HDAC9: variants seen among roughly 807,000 people sequenced by gnomAD.
HDAC9 encodes the protein histone deacetylase 9, also known as MEF-2 interacting transcription repressor (MITR) protein.
A neutral mutation model predicts 139.4 loss-of-function variants in HDAC9; 41 were observed. The ratio of observed to expected loss-of-function variants is 0.29; its 90% confidence interval spans 0.23 to 0.38. The LOEUF (loss-of-function observed/expected upper bound fraction) is 0.38, where lower values mean the gene tolerates loss of function less well. Among genes scored for constraint, HDAC9 ranks in the 10% least tolerant of loss-of-function variants. The probability of loss-of-function intolerance (pLI) is 1.00; values close to 1 mark genes in which losing one functional copy is unlikely to be tolerated. For missense variants in HDAC9, 1,147 were observed against 1,297.0 expected, an observed-to-expected ratio of 0.88 and a Z score of 1.78; for synonymous variants, 517 against 476.2, an observed-to-expected ratio of 1.09 and a Z score of -1.12.
Position 18,698,900 on chromosome 7 carries a change from T to G in HDAC9, c.1732-28680T>G, listed in dbSNP as rs141261677. 9.2e-5 allele frequency among the ~76,000 whole-genome samples: 14 copies of G among 152,366 alleles called. No homozygotes were observed. In the East Asian group the frequency reaches 2.7e-3, roughly 29 times the overall value. Reference sequence around the variant, plus strand: ...AATATTTTGGCAAAAAATGGTACACTGTCATGTTCTAAGCATGAAAGGTTA... The same window carrying G: ...AATATTTTGGCAAAAAATGGTACACGGTCATGTTCTAAGCATGAAAGGTTA... On this transcript the variant is annotated intron_variant, in intron 12 of 25. Coordinates refer to ENST00000686413, the MANE Select transcript of HDAC9 (RefSeq NM_178425.4).
At chr7:18,103,082 A>G (rs564510153) in intron 1 of HDAC9, among the ~76,000 whole-genome samples, 2 of 152,296 alleles carry the variant, frequency 1.3e-5, no homozygotes, top group South Asian at 4.1e-4. Flanking sequence ...GTGGAAGGCA[A>G]AGGAGCAAAG....
At chr7:18,790,021 G>C (rs1989817) in intron 16 of HDAC9, among the ~76,000 whole-genome samples, 1 of 151,900 alleles carries the variant, frequency 6.6e-6, no homozygotes, top group Non-Finnish European at 1.5e-5. Flanking sequence ...AAGTGGATAT[G>C]GATGTTCTTC....
At chr7:18,548,097 GTTA>G (rs1035791671) in intron 2 of HDAC9, among the ~76,000 whole-genome samples, 3 of 151,938 alleles carry the variant, frequency 2.0e-5, no homozygotes, top group Non-Finnish European at 2.9e-5. Flanking sequence ...CCATTGTAGG[GTTA>G]TTAATTGCCC....
At chr7:18,532,134 C>T (rs992203710) in intron 2 of HDAC9, among the ~76,000 whole-genome samples, 1 of 152,092 alleles carries the variant, frequency 6.6e-6, no homozygotes, top group African/African-American at 2.4e-5. Context: ...CCTGTAGTCC[C>T]AGCTACTTGG....
Position 18,149,745 on chromosome 7 carries a change from A to G in HDAC9, c.-96-12484A>G, listed in dbSNP as rs112204085. ...TAGTTTTTGTATTTTTAGTAGAGAC[A>G]GGGTTTCACTGTGTTAGCCAGGATG... On this transcript the variant is annotated intron_variant, in intron 1 of 12. Transcript: ENST00000417496. Among the ~76,000 whole-genome samples, 1,444 of 151,892 alleles carry G rather than the reference A, an allele frequency of 9.5e-3. 10 individuals carry two copies. The highest frequency in any genetic ancestry group is 0.017 in the Middle Eastern group (5 of 294).
rs1298781990 is a variant in HDAC9 at position 18,568,020 on chromosome 7, GTA to G, written c.23-17257_23-17256del. ...GTTAGTTTATACATACAGGATATAT[GTA>G]TATGTATATATATATATATATATAT... On this transcript the variant is annotated intron_variant, in intron 2 of 25. Coordinates refer to ENST00000686413, the MANE Select transcript of HDAC9 (RefSeq NM_178425.4). Among the ~76,000 whole-genome samples the G allele has an allele frequency of 1.4e-4, 7 of 48,832 alleles. 1 individual carries two copies. Among genetic ancestry groups the G allele is most frequent in the African/African-American group, 8.5e-4 (7 of 8,252 alleles). The allele number at this position is 48,832 out of a possible 152,430, so 32.0% of individuals were successfully genotyped here.
At chr7:18,207,871 C>T (rs1414257829) in intron 2 of HDAC9, among the ~76,000 whole-genome samples, 4 of 151,852 alleles carry the variant, frequency 2.6e-5, no homozygotes, top group Non-Finnish European at 1.5e-5. Flanking sequence ...TGAGCCACCA[C>T]GCCCGGCTAA....
chr7:18,684,004 C>G (rs995248326), intron 12 of HDAC9, among the ~76,000 whole-genome samples: 2 of 151,880 alleles, frequency 1.3e-5, no homozygotes, highest in African/African-American at 2.4e-5. Flanking sequence ...CACCAATAAT[C>G]CCAGCCCTTT....
At chr7:18,131,862 A>T (rs2128102387) in intron 1 of HDAC9, among the ~76,000 whole-genome samples, 1 of 152,298 alleles carries the variant, frequency 6.6e-6, no homozygotes, top group African/African-American at 2.4e-5. Flanking sequence ...TTTAAGAATT[A>T]TGGTTGGAAT....
chr7:18,478,654 C>CAAA (rs1425259734), intron 1 of HDAC9, among the ~76,000 whole-genome samples: 35 of 152,092 alleles, frequency 2.3e-4, no homozygotes, highest in African/African-American at 7.5e-4. Flanking sequence ...ATTTAGTTCC[C>CAAA]TTACAAAATA....
chr7:18,757,944 G>C (rs1314222591), intron 14 of HDAC9, among the ~76,000 whole-genome samples: 1 of 152,128 alleles, frequency 6.6e-6, no homozygotes, highest in Admixed American at 6.6e-5. Flanking sequence ...CTCCCAACCT[G>C]AATATAGACT....
chr7:18,757,123 C>A (rs1788952051), intron 14 of HDAC9, among the ~76,000 whole-genome samples: 1 of 151,942 alleles, frequency 6.6e-6, no homozygotes, highest in Admixed American at 6.6e-5. Flanking sequence ...CATGAATTGA[C>A]TCATTAAATA....
intron 25 of HDAC9, among the ~76,000 whole-genome samples, chr7:18,976,195 G>C (rs908864034): frequency 4.6e-5 from 7 of 152,244 alleles, no homozygotes; most frequent in Non-Finnish European, 8.8e-5. Flanking sequence ...GAGGGGATGA[G>C]ATAAATGGTG....
intron 1 of HDAC9, among the ~76,000 whole-genome samples, chr7:18,395,955 T>C (rs1786989700): frequency 6.6e-6 from 1 of 152,118 alleles, no homozygotes; most frequent in Non-Finnish European, 1.5e-5. Context: ...AAATTATGTT[T>C]TGATAAATTA....
At chr7:18,555,786 G>A (rs891213827) in intron 2 of HDAC9, among the ~76,000 whole-genome samples, 5 of 151,992 alleles carry the variant, frequency 3.3e-5, no homozygotes, top group African/African-American at 1.2e-4. Context: ...ATGTTCATTA[G>A]TAACATATGG....
At chr7:18,533,608 A>G (rs1235237782) in intron 2 of HDAC9, among the ~76,000 whole-genome samples, 2 of 151,582 alleles carry the variant, frequency 1.3e-5, no homozygotes, top group Non-Finnish European at 2.9e-5. Context: ...TCTTCTCTTT[A>G]TCTCTGTGGT....
chr7:18,254,179 G>A (rs1795094646), intron 2 of HDAC9, among the ~76,000 whole-genome samples: 1 of 152,304 alleles, frequency 6.6e-6, no homozygotes, highest in Non-Finnish European at 1.5e-5. Flanking sequence ...GAATTTGGAA[G>A]CACCTATTTT....
chr7:18,861,914 CTATT>C (rs1798138855), intron 21 of HDAC9, among the ~76,000 whole-genome samples: 1 of 152,068 alleles, frequency 6.6e-6, no homozygotes, highest in African/African-American at 2.4e-5. Flanking sequence ...TGTATATGTG[CTATT>C]TGTTTGTAGC....
At chr7:18,702,068 A>T (rs1168480082) in intron 12 of HDAC9, among the ~76,000 whole-genome samples, 1 of 152,092 alleles carries the variant, frequency 6.6e-6, no homozygotes, top group East Asian at 1.9e-4. Flanking sequence ...GCTAAGTTGC[A>T]AGCCAGGCAC....
Sources: gnomAD v4.1 joint callset for allele counts (sites outside exome capture counted in the v4.1 genomes callset) on GRCh38, gnomAD v4.1.1 for gene constraint, MANE v1.5 for transcripts, NCBI Gene and HGNC (gene_info 2026-07-23, HGNC 2026-07-21) for gene names.